The following CDK5RAP2 variants were observed in gnomAD, a reference collection of about 807,000 sequenced individuals.
The protein encoded by CDK5RAP2 is CDK5 regulatory subunit-associated protein 2.
In CDK5RAP2, 147 loss-of-function variants were observed where a neutral mutation model predicts 232.9. That is an observed-to-expected ratio of 0.63 (90% confidence interval 0.55 to 0.72). CDK5RAP2 has a LOEUF of 0.72. CDK5RAP2 is among the 30% of genes least tolerant of loss of function. CDK5RAP2 has a pLI of 0.00. For missense variants in CDK5RAP2, 2,195 were observed against 2,231.5 expected (o/e 0.98, Z 0.33); for synonymous variants, 833 against 833.7 (o/e 1.00, Z 0.01).
chr9:120,402,169 T>C (rs891245602), intron 34 of CDK5RAP2, among the ~76,000 whole-genome samples: 27 of 151,980 alleles, frequency 1.8e-4, no homozygotes. Flanking sequence ...GGCACACGCC[T>C]GTGGTCACAG....
intron 11 of CDK5RAP2, among the ~76,000 whole-genome samples, chr9:120,519,189 A>C (rs1255093438): frequency 1.3e-5 from 2 of 152,018 alleles, no homozygotes; most frequent in African/African-American, 2.4e-5. Context: ...AAAAAAAAGA[A>C]AAAAAGAAAA....
At chr9:120,430,682 A>ACC (rs1234574604) in intron 25 of CDK5RAP2, among the ~76,000 whole-genome samples, 4 of 150,980 alleles carry the variant, frequency 2.6e-5, no homozygotes, top group African/African-American at 7.3e-5. Context: ...AACTAGTTCA[A>ACC]CCATTGTGGA....
At chr9:120,471,390 G>A (rs548781502) in intron 16 of CDK5RAP2, among the ~76,000 whole-genome samples, 1 of 152,304 alleles carries the variant, frequency 6.6e-6, no homozygotes, top group East Asian at 1.9e-4. Flanking sequence ...TGGGCTCTCT[G>A]CAATAGGTGC....
Position 120,528,718 on chromosome 9 carries a change from C to A in CDK5RAP2, c.879+26G>T, listed in dbSNP as rs41305509. 126,145 of 1,438,086 alleles carry A rather than the reference C, an allele frequency of 0.088. 7,138 individuals are homozygous for A. The highest frequency in any genetic ancestry group is 0.29 in the East Asian group (12,661 of 44,100). The allele number at this position is 1,438,086 out of a possible 1,614,324, so 89.1% of individuals were successfully genotyped here. On this transcript the variant is annotated intron_variant, in intron 9 of 37. Coordinates refer to ENST00000349780, the MANE Select transcript of CDK5RAP2 (RefSeq NM_018249.6). ...GCAAGAATAGGCTAAATCTTCAATA[C>A]ATTTTTTAAAATTGTATCAACATAC... is the stretch of plus-strand genomic sequence containing the variant.
intron 26 of CDK5RAP2, among the ~76,000 whole-genome samples, chr9:120,421,440 C>G (rs1381243371): frequency 6.6e-6 from 1 of 152,086 alleles, no homozygotes; most frequent in Non-Finnish European, 1.5e-5. Flanking sequence ...TTGCAAAAGC[C>G]CTGATTAAAA....
chr9:120,518,408 A>C lies in CDK5RAP2; in HGVS notation c.1311+19T>G. On this transcript the variant is annotated intron_variant, in intron 12 of 37. Transcript: ENST00000349780. ...CAAAAGCACTGTCCACTGTGTCAGA[A>C]GGGCAGGGCGGTACTCACACGGATG... is the stretch of plus-strand genomic sequence containing the variant. 6.2e-7 allele frequency: 1 copy of C among 1,605,370 alleles called. No individual in the cohort carries two copies. The highest frequency in any genetic ancestry group is 1.9e-4 in the Middle Eastern group (1 of 5,276).
chr9:120,519,173 CA>C (rs765274307), intron 11 of CDK5RAP2, among the ~76,000 whole-genome samples: 153 of 97,148 alleles, frequency 1.6e-3, no homozygotes, highest in Admixed American at 1.6e-3. Flanking sequence ...GACTCCGTCT[CA>C]AAAAAAAAAA....
chr9:120,518,643 C>A lies in CDK5RAP2; in HGVS notation c.1095G>T (p.Gly365=). Residue 365 remains glycine, a splice_region_variant and synonymous_variant, in exon 12 of 38, where the codon GGG becomes GGT. Coordinates refer to ENST00000349780, the MANE Select transcript of CDK5RAP2 (RefSeq NM_018249.6). ...ATAGAGCAGTCTCATAGTCTTCAGA[C>A]CCCTAGAAGAGAAGGCAGAGAAGCA... ...LQKAQTQEFQ[G]SEDYETALSG... 1 of 1,613,008 alleles carries A rather than the reference C, an allele frequency of 6.2e-7. No individual in the cohort carries two copies. Among genetic ancestry groups the A allele is most frequent in the Non-Finnish European group, 8.5e-7 (1 of 1,179,278 alleles).
intron 12 of CDK5RAP2, among the ~76,000 whole-genome samples, chr9:120,511,948 G>A (rs1588525555): frequency 6.6e-6 from 1 of 152,064 alleles, no homozygotes; most frequent in African/African-American, 2.4e-5. Context: ...ATGTCGACCA[G>A]GCTGGTCTTC....
chr9:120,436,057 A>T (rs2035559117), intron 25 of CDK5RAP2, among the ~76,000 whole-genome samples: 1 of 152,254 alleles, frequency 6.6e-6, no homozygotes, highest in Non-Finnish European at 1.5e-5. Flanking sequence ...ATTATTCATT[A>T]CACAGGTTAA....
intron 7 of CDK5RAP2, among the ~76,000 whole-genome samples, chr9:120,533,827 C>T (rs548406839): frequency 6.6e-6 from 1 of 150,564 alleles, no homozygotes; most frequent in African/African-American, 2.4e-5. Flanking sequence ...AAAAAAATGC[C>T]TGGGCAAGGG....
chr9:120,504,427 C>A (rs2039714870), intron 12 of CDK5RAP2, among the ~76,000 whole-genome samples: 1 of 152,226 alleles, frequency 6.6e-6, no homozygotes, highest in South Asian at 2.1e-4. Context: ...TAACTCCTCC[C>A]TCCTTAATTA....
intron 3 of CDK5RAP2, among the ~76,000 whole-genome samples, chr9:120,562,223 T>C (rs1397389206): frequency 6.6e-6 from 1 of 152,198 alleles, no homozygotes; most frequent in Non-Finnish European, 1.5e-5. Flanking sequence ...AAGAGTAATT[T>C]TATATTTATG....
intron 20 of CDK5RAP2, among the ~76,000 whole-genome samples, chr9:120,455,355 T>C (rs2131417108): frequency 7.6e-6 from 1 of 131,326 alleles, no homozygotes; most frequent in South Asian, 2.5e-4. Context: ...AAACGAAGAG[T>C]CCTGTACAAC....
intron 18 of CDK5RAP2, among the ~76,000 whole-genome samples, chr9:120,466,703 G>A (rs2037398298): frequency 6.6e-6 from 1 of 152,168 alleles, no homozygotes; most frequent in Admixed American, 6.5e-5. Context: ...TAGAGTCCTG[G>A]AGGCTAAGAT....
chr9:120,491,448 G>A lies in CDK5RAP2; in HGVS notation c.1341C>T (p.Arg447=). The A allele has an allele frequency of 6.2e-7, 1 of 1,611,350 alleles. No homozygotes were observed. The highest frequency in any genetic ancestry group is 8.5e-7 in the Non-Finnish European group (1 of 1,178,902). The part of the protein sequence containing the change: ...RDLRNEVEKL[R]NEVNEREKAM... ...CTTTCTCTCTTTCATTCACTTCATT[G>A]CGTAATTTTTCAACTTCATTTCTAA... The change falls in exon 13 of 38, where the codon CGC becomes CGT. Residue 447 remains arginine, a synonymous_variant. Transcript: ENST00000349780.
intron 12 of CDK5RAP2, among the ~76,000 whole-genome samples, chr9:120,498,114 G>C (rs1267761927): frequency 1.3e-5 from 2 of 152,208 alleles, no homozygotes; most frequent in African/African-American, 4.8e-5. Flanking sequence ...AACTGTCACA[G>C]CTGTGGATCA....
intron 25 of CDK5RAP2, among the ~76,000 whole-genome samples, chr9:120,423,412 A>G (rs1191070013): frequency 6.6e-6 from 1 of 152,240 alleles, no homozygotes; most frequent in African/African-American, 2.4e-5. Context: ...GGGTCTCAGA[A>G]GCAGGATTAA....
chr9:120,472,183 T>G (rs565808041), intron 15 of CDK5RAP2, among the ~76,000 whole-genome samples: 3 of 152,358 alleles, frequency 2.0e-5, no homozygotes, highest in African/African-American at 7.2e-5. Flanking sequence ...CACTTCATAA[T>G]TCCCTATATT....
Sources: gnomAD v4.1 joint callset for allele counts (sites outside exome capture counted in the v4.1 genomes callset) on GRCh38, gnomAD v4.1.1 for gene constraint, MANE v1.5 for transcripts, NCBI Gene and HGNC (gene_info 2026-07-23, HGNC 2026-07-21) for gene names.